Variants in MOCOS observed in about 807,000 individuals in gnomAD.
MOCOS encodes the protein molybdenum cofactor sulfurase, also known as human molybdenum cofactor sulfurase.
A neutral mutation model predicts 83.6 loss-of-function variants in MOCOS; 86 were observed. The ratio of observed to expected loss-of-function variants is 1.03; its 90% CI spans 0.86 to 1.23. The LOEUF (loss-of-function observed/expected upper bound fraction) is 1.23, where lower values mean the gene tolerates loss of function less well. MOCOS is among the 50% of genes most tolerant of loss of function. The pLI is 0.00. For missense variants in MOCOS, 1,120 were observed against 1,126.9 expected (o/e 0.99, Z 0.09); for synonymous variants, 445 against 434.7 (o/e 1.02, Z -0.29).
intron 9 of MOCOS, among the ~76,000 whole-genome samples, chr18:36,246,485 C>T (rs999388749): frequency 7.9e-5 from 12 of 152,340 alleles, no homozygotes; most frequent in South Asian, 4.1e-4. Context: ...TTCATCTTCA[C>T]GTCTTCCAGC....
At chr18:36,188,828 G>T (rs1354324196) in intron 1 of MOCOS, among the ~76,000 whole-genome samples, 2 of 152,048 alleles carry the variant, frequency 1.3e-5, no homozygotes, top group Non-Finnish European at 2.9e-5. Context: ...GGAGACGGGG[G>T]TGCCTTCTGC....
chr18:36,187,566 GC>G lies in MOCOS; in HGVS notation c.28del (p.Arg10GlyfsTer17). On this transcript the variant is annotated frameshift_variant, in exon 1 of 15. Coordinates refer to ENST00000261326, the MANE Select transcript of MOCOS (RefSeq NM_017947.4). LOFTEE classifies it high-confidence loss of function. ...TGGCCGGCGCGGCGGCGGAGTCAGG[GC>G]GGGAGCTGTGGACCTTCGCGGGTTC... Reference protein sequence around the residue: MAGAAAESGRELWTFAGSRD... With the variant: MAGAAAESGXELWTFAGSRD... The G allele has an allele frequency of 8.0e-7, 1 of 1,244,778 alleles. No homozygotes were observed. The allele number at this position is 1,244,778 out of a possible 1,614,324, so 77.1% of individuals were successfully genotyped here.
chr18:36,230,731 G>C (rs989734554), intron 9 of MOCOS, among the ~76,000 whole-genome samples: 1 of 152,144 alleles, frequency 6.6e-6, no homozygotes, highest in Non-Finnish European at 1.5e-5. Context: ...GTGAAGCTGA[G>C]AGTGAGGGGC....
chr18:36,225,519 G>C (rs891807314), intron 9 of MOCOS, among the ~76,000 whole-genome samples: 2 of 152,114 alleles, frequency 1.3e-5, no homozygotes, highest in East Asian at 3.8e-4. Context: ...ACTTAGTTTT[G>C]TTAATGTTTT....
intron 9 of MOCOS, among the ~76,000 whole-genome samples, chr18:36,222,794 G>A (rs1229041372): frequency 2.0e-5 from 3 of 152,162 alleles, no homozygotes; most frequent in African/African-American, 7.2e-5. Context: ...TAGAGACGGG[G>A]TTTCACCGTG....
chr18:36,226,185 G>A (rs2091514576), intron 9 of MOCOS, among the ~76,000 whole-genome samples: 2 of 151,974 alleles, frequency 1.3e-5, no homozygotes, highest in South Asian at 4.2e-4. Context: ...TTTGCTTTAT[G>A]TATTTAGGTG....
chr18:36,199,738 G>A lies in MOCOS; in HGVS notation c.355G>A (p.Gly119Arg), dbSNP rs367827518. The A allele has an allele frequency of 2.4e-5, 39 of 1,613,988 alleles. No individual in the cohort carries two copies. Among genetic ancestry groups the A allele is most frequent in the Non-Finnish European group, 2.8e-5 (33 of 1,180,036 alleles). Residue 119 changes from glycine to arginine, a missense_variant, in exon 4 of 15, where the codon GGG becomes AGG. By Grantham distance (125) the Gly-to-Arg change is moderately radical. Transcript: ENST00000261326. ...AGACTACACTGTGATCTTCACTGCC[G>A]GGAGCACGGCTGCTCTCAAACTGGT... ...AEDYTVIFTA[G>R]STAALKLVAE...
At chr18:36,219,188 A>T (rs1463122060) in intron 8 of MOCOS, among the ~76,000 whole-genome samples, 10 of 146,308 alleles carry the variant, frequency 6.8e-5, no homozygotes, top group African/African-American at 2.6e-4. Flanking sequence ...TTATTATTTT[A>T]TTTTATTTTT....
In MOCOS at chr18:36,187,569, G is replaced by T; in HGVS notation, c.30G>T (p.Arg10=). Reference sequence around the variant, plus strand: ...CCGGCGCGGCGGCGGAGTCAGGGCGGGAGCTGTGGACCTTCGCGGGTTCCC... The same window carrying T: ...CCGGCGCGGCGGCGGAGTCAGGGCGTGAGCTGTGGACCTTCGCGGGTTCCC... MAGAAAESG[R]ELWTFAGSRD... Residue 10 remains arginine, a synonymous_variant, in exon 1 of 15, where the codon CGG becomes CGT. Transcript: ENST00000261326. 8.0e-7 allele frequency: 1 copy of T among 1,245,322 alleles called. No individual in the cohort carries two copies. The highest frequency in any genetic ancestry group is 3.1e-5 in the East Asian group (1 of 32,214). The allele number at this position is 1,245,322 out of a possible 1,614,324, so 77.1% of individuals were successfully genotyped here.
chr18:36,201,325 A>G (rs2091413605), intron 4 of MOCOS, among the ~76,000 whole-genome samples: 1 of 152,204 alleles, frequency 6.6e-6, no homozygotes, highest in African/African-American at 2.4e-5. Flanking sequence ...GCGAGGGGAC[A>G]TGTGACTTGT....
At chr18:36,242,567 A>G (rs892434992) in intron 9 of MOCOS, among the ~76,000 whole-genome samples, 1 of 152,192 alleles carries the variant, frequency 6.6e-6, no homozygotes, top group Non-Finnish European at 1.5e-5. Context: ...GTATTAGTCC[A>G]TTGTCACACT....
chr18:36,258,699 A>G (rs900990158), intron 12 of MOCOS, among the ~76,000 whole-genome samples: 2 of 152,214 alleles, frequency 1.3e-5, no homozygotes, highest in African/African-American at 2.4e-5. Context: ...TGAAGCACAA[A>G]AAAGTGCAAA....
intron 9 of MOCOS, among the ~76,000 whole-genome samples, chr18:36,225,067 A>G (rs1278481294): frequency 6.6e-6 from 1 of 152,154 alleles, no homozygotes; most frequent in African/African-American, 2.4e-5. Context: ...GTAATTTCTT[A>G]GAATATTTTA....
Position 36,194,317 on chromosome 18 carries a change from CACAAA to C in MOCOS, c.143-933_143-929del, listed in dbSNP as rs1242378324. On this transcript the variant is annotated intron_variant, in intron 1 of 14. Transcript: ENST00000261326. The stretch of plus-strand genomic sequence containing the variant: ...AGCTGTGATAAAACAACCCATTCTA[CACAAA>C]ACAAAATATTTGATAAGTGAATGAA... Among the ~76,000 whole-genome samples, 18 of 152,276 alleles carry C rather than the reference CACAAA, an allele frequency of 1.2e-4. No homozygotes were observed. The South Asian group carries it at 2.3e-3, about 19-fold the overall frequency.
In MOCOS at chr18:36,260,159, G is replaced by T; in HGVS notation, c.2393G>T (p.Gly798Val). The T allele has an allele frequency of 1.9e-6, 3 of 1,614,114 alleles. No individual in the cohort carries two copies. The highest frequency in any genetic ancestry group is 2.5e-6 in the Non-Finnish European group (3 of 1,180,010). ...GAGAAATGGGATGAGATTTCAATTGGCTCTTTGCGTTTCCAGGTAAGTTTG... is the reference window on the plus strand; with the variant it reads ...GAGAAATGGGATGAGATTTCAATTGTCTCTTTGCGTTTCCAGGTAAGTTTG... ...EEEKWDEISI[G>V]SLRFQVLGPC... The change falls in exon 13 of 15, where the codon GGC becomes GTC. Residue 798 changes from glycine (G) to valine (V), a missense_variant. Coordinates refer to ENST00000261326, the MANE Select transcript of MOCOS (RefSeq NM_017947.4).
intron 13 of MOCOS, among the ~76,000 whole-genome samples, chr18:36,265,706 G>A (rs929930121): frequency 2.8e-4 from 42 of 151,088 alleles, no homozygotes; most frequent in African/African-American, 1.0e-3. Context: ...TTTAAGTATT[G>A]TGTATGTGTG....
At chr18:36,209,493 C>T (rs1405394894) in intron 6 of MOCOS, among the ~76,000 whole-genome samples, 3 of 152,216 alleles carry the variant, frequency 2.0e-5, no homozygotes, top group East Asian at 3.9e-4. Flanking sequence ...TCCCCAATCC[C>T]ACCCTTCCCC....
At chr18:36,249,240 G>C (rs2091613762) in intron 10 of MOCOS, among the ~76,000 whole-genome samples, 1 of 152,026 alleles carries the variant, frequency 6.6e-6, no homozygotes, top group African/African-American at 2.4e-5. Context: ...TCTTCCCCTA[G>C]TTATACCTCC....
chr18:36,256,800 T>C (rs1391173140), intron 11 of MOCOS, 168 bp from the exon 12 acceptor site: 16 of 662,272 alleles, frequency 2.4e-5, no homozygotes, highest in Non-Finnish European at 3.6e-5. Flanking sequence ...TGCCTCTTTA[T>C]TGAGAGATAT....
Sources: allele counts gnomAD v4.1 joint callset (sites outside exome capture counted in the v4.1 genomes callset), GRCh38; gene constraint gnomAD v4.1.1; transcripts MANE v1.5; gene names NCBI Gene and HGNC (gene_info 2026-07-23, HGNC 2026-07-21).